Variants in TMPRSS15 observed in about 807,000 individuals in gnomAD.
TMPRSS15 encodes the protein transmembrane serine protease 15.
Under a neutral mutation model 125.3 loss-of-function variants are expected in TMPRSS15, and 128 were observed. The ratio of observed to expected loss-of-function variants is 1.02; its 90% CI spans 0.89 to 1.18. The LOEUF is 1.18. Ranked by LOEUF, TMPRSS15 falls within the 50% of genes most tolerant of loss-of-function variation. TMPRSS15 has a pLI of 0.00. For synonymous variants in TMPRSS15, 446 were observed against 423.2 expected (o/e 1.05, Z -0.66); for missense variants, 1,283 against 1,212.7 (o/e 1.06, Z -0.86).
rs558829072 is a variant in TMPRSS15 at position 18,482,133 on chromosome 21, CA to C, written c.10+3665del. ...TCTAAATATACTTATTGTATTGCTT[CA>C]TTTTTTTCATTTTCTTCTCATCATA... On this transcript the variant is annotated intron_variant, in intron 1 of 7. Coordinates refer to the TMPRSS15 transcript ENST00000422787. Among the ~76,000 whole-genome samples, 517 of 151,196 alleles carry C rather than the reference CA, an allele frequency of 3.4e-3. 2 individuals are homozygous for C. The highest frequency in any genetic ancestry group is 6.6e-3 in the South Asian group (32 of 4,816).
At chr21:18,469,802 C>T (rs1044587946) in intron 1 of TMPRSS15, among the ~76,000 whole-genome samples, 1 of 151,978 alleles carries the variant, frequency 6.6e-6, no homozygotes, top group Non-Finnish European at 1.5e-5. Context: ...ATAACTGTCT[C>T]GTTATTGTAG....
intron 1 of TMPRSS15, among the ~76,000 whole-genome samples, chr21:18,475,340 C>T (rs79822747): frequency 0.049 from 7,457 of 152,028 alleles, 434 homozygotes; most frequent in African/African-American, 0.14. Context: ...AACAGTGGCT[C>T]GCAATTTGGG....
At chr21:18,434,649 TA>T (rs1452407136) in intron 1 of TMPRSS15, among the ~76,000 whole-genome samples, 1 of 152,098 alleles carries the variant, frequency 6.6e-6, no homozygotes, top group African/African-American at 2.4e-5. Context: ...CTTTCTAAAA[TA>T]TTTTTTTCTA....
intron 1 of TMPRSS15, among the ~76,000 whole-genome samples, chr21:18,418,129 A>G (rs1258064965): frequency 6.6e-6 from 1 of 152,206 alleles, no homozygotes; most frequent in Non-Finnish European, 1.5e-5. Flanking sequence ...AACAAAAGAA[A>G]TGAAACTTCT....
chr21:18,270,537 T>C (rs1182107421), intron 24 of TMPRSS15, among the ~76,000 whole-genome samples: 1 of 152,170 alleles, frequency 6.6e-6, no homozygotes, highest in African/African-American at 2.4e-5. Context: ...TATTTCACAA[T>C]ATACTTTTTG....
At chr21:18,412,373 C>G (rs1275113483) in intron 1 of TMPRSS15, among the ~76,000 whole-genome samples, 1 of 152,180 alleles carries the variant, frequency 6.6e-6, no homozygotes, top group Non-Finnish European at 1.5e-5. Flanking sequence ...TCTGTCTTAA[C>G]ACAATTCCAG....
chr21:18,379,289 T>C lies in TMPRSS15; in HGVS notation c.526A>G (p.Thr176Ala), dbSNP rs2075870954. ...TAATATTATTAAAACTGACCTGGAGTTGCCAGATGACTGGTGGTTGTTAGC... is the reference window on the plus strand; with the variant it reads ...TAATATTATTAAAACTGACCTGGAGCTGCCAGATGACTGGTGGTTGTTAGC... ...DKLTTTSHLA[T>A]PGNVSIECLP... The change falls in exon 5 of 25, where the codon ACT (threonine) becomes GCT (alanine). Residue 176 changes from threonine to alanine, a missense_variant. Thr to Ala is a moderately conservative substitution (Grantham distance 58). Transcript: ENST00000284885. 2 of 1,329,920 alleles carry C rather than the reference T, an allele frequency of 1.5e-6. No individual in the cohort carries two copies. Among genetic ancestry groups the C allele is most frequent in the African/African-American group, 3.0e-5 (2 of 66,858 alleles). 82.4% of individuals were successfully genotyped at this position (1,329,920 alleles called of 1,614,324 possible). A position where few individuals can be genotyped will look rare whatever the true frequency, so the allele number is the denominator to read the frequency against.
chr21:18,285,036 A>C (rs937717964), intron 21 of TMPRSS15, among the ~76,000 whole-genome samples: 1 of 152,002 alleles, frequency 6.6e-6, no homozygotes, highest in Admixed American at 6.6e-5. Context: ...AGTTGGCTGA[A>C]TTTTTGCTGC....
At chr21:18,482,505 C>T (rs1407246370) in intron 1 of TMPRSS15, among the ~76,000 whole-genome samples, 1 of 151,570 alleles carries the variant, frequency 6.6e-6, no homozygotes, top group Non-Finnish European at 1.5e-5. Flanking sequence ...CCTGACTGAT[C>T]ATTACACGTC....
intron 2 of TMPRSS15, 103 bp from the exon 3 acceptor site, chr21:18,398,049 G>A (rs1288098626): frequency 1.5e-5 from 19 of 1,238,122 alleles, no homozygotes; most frequent in African/African-American, 1.2e-4. Flanking sequence ...TAGAGTTGGG[G>A]CAATTTTCTC....
At chr21:18,329,338 A>T (rs1349459416) in intron 14 of TMPRSS15, 44 bp from the exon 15 acceptor site, 1 of 1,583,334 alleles carries the variant, frequency 6.3e-7, no homozygotes, top group South Asian at 1.1e-5. Context: ...ACACTTGGTG[A>T]TTTCTCTTAA....
At chr21:18,343,766 T>G in intron 11 of TMPRSS15, 110 bp from the exon 12 acceptor site, 1 of 1,392,936 alleles carries the variant, frequency 7.2e-7, no homozygotes. Context: ...TTTTTCCTTC[T>G]GGGTTTTGGA....
intron 1 of TMPRSS15, among the ~76,000 whole-genome samples, chr21:18,484,427 A>G (rs2010765082): frequency 6.6e-6 from 1 of 151,840 alleles, no homozygotes; most frequent in Non-Finnish European, 1.5e-5. Flanking sequence ...TTGTAGAAGG[A>G]TTTAATCAGA....
chr21:18,429,429 C>T (rs978092791), intron 1 of TMPRSS15, among the ~76,000 whole-genome samples: 2 of 152,164 alleles, frequency 1.3e-5, no homozygotes, highest in Non-Finnish European at 1.5e-5. Context: ...TGTCCCCACC[C>T]AAATCTCATC....
chr21:18,325,843 C>T (rs927002701), intron 16 of TMPRSS15, among the ~76,000 whole-genome samples: 1 of 151,674 alleles, frequency 6.6e-6, no homozygotes. Context: ...TATATACACA[C>T]ACATATATAC....
At chr21:18,411,919 G>T (rs1213197266) in intron 1 of TMPRSS15, among the ~76,000 whole-genome samples, 8 of 152,082 alleles carry the variant, frequency 5.3e-5, no homozygotes, top group Non-Finnish European at 7.4e-5. Flanking sequence ...CTGTATTTCG[G>T]GGAAGAAACA....
intron 6 of TMPRSS15, among the ~76,000 whole-genome samples, chr21:18,369,193 G>A (rs542395760): frequency 6.6e-6 from 1 of 152,208 alleles, no homozygotes; most frequent in East Asian, 1.9e-4. Flanking sequence ...AACACATAAG[G>A]GTAAGCACTT....
chr21:18,314,443 AAATTTCG>A (rs2075136929), intron 17 of TMPRSS15, among the ~76,000 whole-genome samples: 1 of 151,642 alleles, frequency 6.6e-6, no homozygotes, highest in African/African-American at 2.4e-5. Flanking sequence ...CACGCCTGGC[AAATTTCG>A]TATTTTTAGT....
chr21:18,337,578 T>A (rs1051231056), intron 13 of TMPRSS15, among the ~76,000 whole-genome samples: 31 of 152,202 alleles, frequency 2.0e-4, no homozygotes, highest in African/African-American at 7.5e-4. Context: ...CAGAAAGTTA[T>A]TAAAGTCATG....
Sources: gnomAD v4.1 joint callset for allele counts (sites outside exome capture counted in the v4.1 genomes callset) on GRCh38, gnomAD v4.1.1 for gene constraint, MANE v1.5 for transcripts, NCBI Gene and HGNC (gene_info 2026-07-23, HGNC 2026-07-21) for gene names.